The following PRKAG2 variants were observed in gnomAD, a reference collection of about 807,000 sequenced individuals.
PRKAG2 encodes protein kinase AMP-activated non-catalytic subunit gamma 2, also known as 5'-AMP-activated protein kinase subunit gamma-2.
PRKAG2 carries 26 observed loss-of-function variants against 69.6 expected under a neutral mutation model. That is an observed-to-expected ratio of 0.37 (90% CI 0.27 to 0.52). The LOEUF (loss-of-function observed/expected upper bound fraction) is 0.52, where lower values mean the gene tolerates loss of function less well. Among genes scored for constraint, PRKAG2 ranks in the 20% least tolerant of loss-of-function variants. The probability of loss-of-function intolerance (pLI) is 0.90; values close to 1 mark genes in which losing one functional copy is unlikely to be tolerated. For missense variants in PRKAG2, 557 were observed against 740.0 expected, an observed-to-expected ratio of 0.75 and a Z score of 2.87; for synonymous variants, 293 against 285.0, an observed-to-expected ratio of 1.03 and a Z score of -0.28.
In PRKAG2 at chr7:151,777,330, A is replaced by G. The variant is rs1197356755; in HGVS notation, c.466+3822T>C. Among the ~76,000 whole-genome samples, 1 of 152,256 alleles carries G rather than the reference A, an allele frequency of 6.6e-6. No individual in the cohort carries two copies. The highest frequency in any genetic ancestry group is 1.9e-4 in the East Asian group (1 of 5,186). On this transcript the variant is annotated intron_variant, in intron 3 of 15. Transcript: ENST00000287878. The surrounding 1 kb of genome is among the most constrained non-coding windows in gnomAD (Gnocchi z 4.3). ...GATCCAGAGGGGCTGGGAGTCTTGGATCCACCTCTGATAGAGGTTGAGTGT... is the reference window on the plus strand; with the variant it reads ...GATCCAGAGGGGCTGGGAGTCTTGGGTCCACCTCTGATAGAGGTTGAGTGT...
chr7:151,778,399 G>A (rs1417492360), intron 3 of PRKAG2, among the ~76,000 whole-genome samples: 2 of 152,178 alleles, frequency 1.3e-5, no homozygotes, highest in Non-Finnish European at 1.5e-5. Context: ...CTGGCACCAT[G>A]CCTCTGTGCA....
intron 3 of PRKAG2, among the ~76,000 whole-genome samples, chr7:151,726,915 G>A (rs1798068285): frequency 6.6e-6 from 1 of 152,128 alleles, no homozygotes; most frequent in Non-Finnish European, 1.5e-5. Context: ...TGTTAGTCAA[G>A]TATCAAAAAG....
intron 4 of PRKAG2, among the ~76,000 whole-genome samples, chr7:151,637,888 A>G (rs1020877867): frequency 6.6e-5 from 10 of 152,100 alleles, no homozygotes; most frequent in African/African-American, 2.4e-4. Flanking sequence ...GTCTCAACAG[A>G]CTTATGCCAG....
intron 4 of PRKAG2, among the ~76,000 whole-genome samples, chr7:151,635,261 A>T (rs369598768): frequency 4.2e-4 from 64 of 152,098 alleles, no homozygotes; most frequent in African/African-American, 1.5e-3. Context: ...AGGAACCACC[A>T]CTCTTAAAAA....
At chr7:151,833,937 G>A (rs758494226) in intron 1 of PRKAG2, among the ~76,000 whole-genome samples, 1 of 152,180 alleles carries the variant, frequency 6.6e-6, no homozygotes, top group African/African-American at 2.4e-5. Context: ...CCACCTCACC[G>A]TCCATCTCTC....
intron 4 of PRKAG2, among the ~76,000 whole-genome samples, chr7:151,665,961 G>T (rs911185065): frequency 6.6e-6 from 1 of 152,142 alleles, no homozygotes. Flanking sequence ...CATAATAGGA[G>T]AACTAGGGGT....
intron 4 of PRKAG2, among the ~76,000 whole-genome samples, chr7:151,657,083 G>A (rs1330954699): frequency 2.6e-5 from 4 of 151,818 alleles, no homozygotes; most frequent in Admixed American, 2.0e-4. Flanking sequence ...GTTGCAATGA[G>A]CTGAGATTGT....
intron 3 of PRKAG2, among the ~76,000 whole-genome samples, chr7:151,722,637 C>T (rs78308051): frequency 0.011 from 1,744 of 152,156 alleles, 38 homozygotes; most frequent in African/African-American, 0.04. Context: ...ATGAGACTCC[C>T]GTGGGGACAC....
intron 6 of PRKAG2, among the ~76,000 whole-genome samples, chr7:151,590,712 T>C (rs1332892124): frequency 1.3e-5 from 2 of 152,192 alleles, no homozygotes; most frequent in African/African-American, 2.4e-5. Flanking sequence ...AAACCACTTA[T>C]ATGCAAAACA....
intron 6 of PRKAG2, among the ~76,000 whole-genome samples, chr7:151,586,748 T>G (rs190871425): frequency 6.6e-6 from 1 of 152,218 alleles, no homozygotes; most frequent in East Asian, 1.9e-4. Context: ...CCTGGAACAA[T>G]AGGACCGGGG....
At chr7:151,873,205 C>T (rs1448658381) in intron 1 of PRKAG2, among the ~76,000 whole-genome samples, 1 of 152,196 alleles carries the variant, frequency 6.6e-6, no homozygotes, top group Non-Finnish European at 1.5e-5. Context: ...CACCTGGAAG[C>T]AGCCATCCCC....
At chr7:151,874,668 C>G (rs1031600934) in intron 1 of PRKAG2, among the ~76,000 whole-genome samples, 1 of 152,098 alleles carries the variant, frequency 6.6e-6, no homozygotes, top group Non-Finnish European at 1.5e-5. Context: ...GCGGGTCACT[C>G]GAGCCCAGCT....
intron 6 of PRKAG2, among the ~76,000 whole-genome samples, chr7:151,578,278 GAGGCTGTAGT>G (rs1809479492): frequency 1.3e-5 from 2 of 152,320 alleles, no homozygotes; most frequent in East Asian, 3.9e-4. Context: ...CTGGGAAGTG[GAGGCTGTAGT>G]GAGCCGAGAA....
At chr7:151,646,412 C>T (rs1380909091) in intron 4 of PRKAG2, among the ~76,000 whole-genome samples, 2 of 152,072 alleles carry the variant, frequency 1.3e-5, no homozygotes, top group African/African-American at 4.8e-5. Flanking sequence ...TAAATTTATT[C>T]CTAAGTATTT....
intron 5 of PRKAG2, among the ~76,000 whole-genome samples, chr7:151,629,438 T>C (rs1391079512): frequency 6.6e-6 from 1 of 152,164 alleles, no homozygotes; most frequent in Admixed American, 6.5e-5. Context: ...CTGTCGGATA[T>C]ACGGACAGAG....
intron 1 of PRKAG2, among the ~76,000 whole-genome samples, chr7:151,804,640 A>T (rs1411953803): frequency 2.0e-5 from 3 of 152,194 alleles, no homozygotes; most frequent in Non-Finnish European, 2.9e-5. Flanking sequence ...CTGACTCACC[A>T]ACAGGCTATT....
intron 5 of PRKAG2, among the ~76,000 whole-genome samples, chr7:151,612,007 C>T (rs951000971): frequency 1.3e-5 from 2 of 152,036 alleles, no homozygotes; most frequent in African/African-American, 4.8e-5. Flanking sequence ...ATTGTGTCAC[C>T]GCACTCCAGC....
At chr7:151,865,115 G>A (rs1272611926) in intron 1 of PRKAG2, among the ~76,000 whole-genome samples, 1 of 152,218 alleles carries the variant, frequency 6.6e-6, no homozygotes, top group Non-Finnish European at 1.5e-5. Context: ...TCCATCCACA[G>A]GCAGAGTCTG....
chr7:151,745,979 G>T (rs540770295), intron 3 of PRKAG2, among the ~76,000 whole-genome samples: 2 of 152,230 alleles, frequency 1.3e-5, no homozygotes, highest in Non-Finnish European at 2.9e-5. Flanking sequence ...GAAGCTGAGC[G>T]CTGGGCTCAA....
Sources: allele counts gnomAD v4.1 joint callset (sites outside exome capture counted in the v4.1 genomes callset), GRCh38; gene constraint gnomAD v4.1.1; non-coding constraint Gnocchi (gnomAD v3.1); transcripts MANE v1.5; gene names NCBI Gene and HGNC (gene_info 2026-07-23, HGNC 2026-07-21).